The following ATRNL1 variants were observed in gnomAD, a reference collection of about 807,000 sequenced individuals.
ATRNL1 encodes the protein attractin-like protein 1.
In ATRNL1, 95 loss-of-function variants were observed where a neutral mutation model predicts 182.7. The ratio of observed to expected loss-of-function variants is 0.52; its 90% CI spans 0.44 to 0.62. ATRNL1 has a LOEUF of 0.62. Among genes scored for constraint, ATRNL1 ranks in the 20% least tolerant of loss-of-function variants. The pLI, the probability that ATRNL1 is intolerant of heterozygous loss-of-function variation, is 0.00. For missense variants in ATRNL1, 1,471 were observed against 1,679.5 expected, an observed-to-expected ratio of 0.88 and a Z score of 2.17; for synonymous variants, 576 against 568.3, an observed-to-expected ratio of 1.01 and a Z score of -0.19.
intron 21 of ATRNL1, among the ~76,000 whole-genome samples, chr10:115,459,736 C>T (rs1006925668): frequency 6.6e-6 from 1 of 152,122 alleles, no homozygotes; most frequent in Admixed American, 6.6e-5. Flanking sequence ...ATGTCTGTCA[C>T]CCACACCTAT....
chr10:115,487,203 A>T (rs1849068617), intron 24 of ATRNL1, among the ~76,000 whole-genome samples: 1 of 152,172 alleles, frequency 6.6e-6, no homozygotes, highest in Non-Finnish European at 1.5e-5. Context: ...TTTGCTTAGG[A>T]CTATCTGGGA....
At chr10:115,467,073 G>C in intron 22 of ATRNL1, 101 bp from the exon 23 acceptor site, 1 of 651,626 alleles carries the variant, frequency 1.5e-6, no homozygotes. Flanking sequence ...AAAATCTATA[G>C]AGTTTAAGGA....
chr10:115,789,279 A>G (rs988171212), intron 27 of ATRNL1, among the ~76,000 whole-genome samples: 1 of 152,194 alleles, frequency 6.6e-6, no homozygotes, highest in Non-Finnish European at 1.5e-5. Context: ...AATTTGTTTT[A>G]TCTGACAGCA....
At chr10:115,218,478 C>G (rs1849316667) in intron 9 of ATRNL1, among the ~76,000 whole-genome samples, 1 of 152,208 alleles carries the variant, frequency 6.6e-6, no homozygotes, top group South Asian at 2.1e-4. Context: ...GTCGATTCAC[C>G]TGGCTTACTC....
intron 28 of ATRNL1, among the ~76,000 whole-genome samples, chr10:115,861,661 G>C (rs1243091270): frequency 2.0e-5 from 3 of 152,120 alleles, no homozygotes; most frequent in Admixed American, 6.6e-5. Context: ...AGTCTTAGTA[G>C]TCATTTCGCA....
At chr10:115,412,434 C>G (rs1554960121) in intron 20 of ATRNL1, among the ~76,000 whole-genome samples, 1 of 152,110 alleles carries the variant, frequency 6.6e-6, no homozygotes, top group East Asian at 1.9e-4. Context: ...AATCAGAGAA[C>G]CTGGTTATGC....
intron 26 of ATRNL1, among the ~76,000 whole-genome samples, chr10:115,601,720 TTTTC>T (rs1201139259): frequency 1.2e-4 from 19 of 152,282 alleles, no homozygotes; most frequent in African/African-American, 4.3e-4. Flanking sequence ...AACATATCAT[TTTTC>T]TTTCTTTCTA....
chr10:115,731,945 G>A (rs782620132), intron 27 of ATRNL1, among the ~76,000 whole-genome samples: 2 of 151,290 alleles, frequency 1.3e-5, no homozygotes, highest in Admixed American at 6.6e-5. Flanking sequence ...AGCTTCTTTC[G>A]CTTAGCATAA....
chr10:115,265,408 C>G (rs1554910301), intron 11 of ATRNL1, 131 bp downstream of exon 11: 1 of 513,012 alleles, frequency 1.9e-6, no homozygotes, highest in Admixed American at 3.3e-5. Context: ...TCTTCTCTAC[C>G]ATAGAATGCA....
intron 25 of ATRNL1, among the ~76,000 whole-genome samples, chr10:115,532,200 A>C (rs547187717): frequency 6.6e-6 from 1 of 152,254 alleles, no homozygotes; most frequent in South Asian, 2.1e-4. Flanking sequence ...ATGTCATTGA[A>C]TCTATAACTT....
chr10:115,399,794 G>T (rs912559893), intron 20 of ATRNL1, among the ~76,000 whole-genome samples: 1 of 151,834 alleles, frequency 6.6e-6, no homozygotes, highest in Non-Finnish European at 1.5e-5. Flanking sequence ...CTAACTTTTT[G>T]ATGTGGACAT....
intron 15 of ATRNL1, among the ~76,000 whole-genome samples, chr10:115,293,283 A>T (rs10400056): frequency 0.012 from 1,778 of 152,106 alleles, 31 homozygotes; most frequent in African/African-American, 0.039. Context: ...GCATATTGTT[A>T]GTTATTTTTT....
At chr10:115,241,756 G>A in intron 10 of ATRNL1, 31 bp downstream of exon 10, 1 of 1,556,504 alleles carries the variant, frequency 6.4e-7, no homozygotes, top group Non-Finnish European at 8.8e-7. Flanking sequence ...TACAAAGTAG[G>A]AAATATCAGA....
rs73373402 is a variant in ATRNL1 at position 115,555,740 on chromosome 10, C to G, written c.3795+6204C>G. 8.8e-4 allele frequency among the ~76,000 whole-genome samples: 133 copies of G among 151,888 alleles called. 1 individual carries two copies. Among genetic ancestry groups the G allele is most frequent in the African/African-American group, 2.8e-3 (116 of 41,464 alleles). ...TCTATTTGTATAAATCACACATGCA[C>G]AAGCATAATGTGCATGGAAATTGTG... On this transcript the variant is annotated intron_variant, in intron 26 of 28. Transcript: ENST00000355044.
chr10:115,860,019 C>G (rs1589614953), intron 28 of ATRNL1, among the ~76,000 whole-genome samples: 1 of 152,166 alleles, frequency 6.6e-6, no homozygotes. Context: ...GAGCAGGCTT[C>G]TCTCACTGAT....
At chr10:115,484,673 CT>C in intron 24 of ATRNL1, among the ~76,000 whole-genome samples, 1 of 151,840 alleles carries the variant, frequency 6.6e-6, no homozygotes, top group East Asian at 1.9e-4. Context: ...AAACTCTACA[CT>C]TAATATTTGA....
At chr10:115,355,740 G>T (rs905985283) in intron 19 of ATRNL1, among the ~76,000 whole-genome samples, 1 of 151,662 alleles carries the variant, frequency 6.6e-6, no homozygotes, top group Admixed American at 6.6e-5. Context: ...GGTTTTGTTG[G>T]TATTATGAAT....
At chr10:115,930,953 G>A (rs1169393188) in intron 28 of ATRNL1, among the ~76,000 whole-genome samples, 3 of 152,040 alleles carry the variant, frequency 2.0e-5, no homozygotes, top group African/African-American at 7.2e-5. Flanking sequence ...AGTGAAATAG[G>A]GAAATAGGGA....
intron 26 of ATRNL1, among the ~76,000 whole-genome samples, chr10:115,648,873 A>G (rs936838805): frequency 6.6e-6 from 1 of 152,152 alleles, no homozygotes; most frequent in African/African-American, 2.4e-5. Context: ...GTTGTGTGCC[A>G]TTTTGTGGTA....
Sources: allele counts gnomAD v4.1 joint callset (sites outside exome capture counted in the v4.1 genomes callset), GRCh38; gene constraint gnomAD v4.1.1; transcripts MANE v1.5; gene names NCBI Gene and HGNC (gene_info 2026-07-23, HGNC 2026-07-21).